Variants in ASB15 observed in about 807,000 individuals in gnomAD.
The protein encoded by ASB15 is ankyrin repeat and SOCS box protein 15.
Under a neutral mutation model 58.0 loss-of-function variants are expected in ASB15, and 54 were observed. The ratio of observed to expected loss-of-function variants is 0.93; its 90% CI spans 0.75 to 1.17. ASB15 has a LOEUF of 1.17. Among genes scored for constraint, ASB15 ranks in the 50% most tolerant of loss-of-function variants. The pLI is 0.00. For missense variants in ASB15, 680 were observed against 707.4 expected, an observed-to-expected ratio of 0.96 and a Z score of 0.44; for synonymous variants, 249 against 262.4, an observed-to-expected ratio of 0.95 and a Z score of 0.50.
In ASB15 at chr7:123,616,444, C is replaced by G. The variant is rs1452261882; in HGVS notation, c.241C>G (p.His81Asp). 4 of 1,611,458 alleles carry G rather than the reference C, an allele frequency of 2.5e-6. No individual in the cohort carries two copies. The highest frequency in any genetic ancestry group is 2.5e-6 in the Non-Finnish European group (3 of 1,177,942). ...EADEKGWFPL[H>D]EAVVQPIQQI... ...TGATGAAAAAGGATGGTTTCCATTG[C>G]ATGAAGCTGTTGTTCAACCCATTCA... The change falls in exon 6 of 12, where the codon CAT becomes GAT. Residue 81 changes from histidine to aspartate, a missense_variant. His to Asp is a moderately conservative substitution (Grantham distance 81). Coordinates refer to ENST00000451215, the MANE Select transcript of ASB15 (RefSeq NM_001290258.2).
At chr7:123,626,577 G>A (rs1357868286) in intron 8 of ASB15, among the ~76,000 whole-genome samples, 2 of 152,154 alleles carry the variant, frequency 1.3e-5, no homozygotes, top group African/African-American at 2.4e-5. Flanking sequence ...AATTGACTTA[G>A]TTTCTCTCAT....
At chr7:123,577,013 A>G (rs928220475) in intron 1 of ASB15, among the ~76,000 whole-genome samples, 10 of 152,166 alleles carry the variant, frequency 6.6e-5, no homozygotes, top group African/African-American at 2.2e-4. Flanking sequence ...ACTTCCTGTT[A>G]TCTATTTTAA....
intron 1 of ASB15, among the ~76,000 whole-genome samples, chr7:123,596,605 C>T (rs1799702701): frequency 6.6e-6 from 1 of 151,766 alleles, no homozygotes; most frequent in South Asian, 2.1e-4. Context: ...GAGGGAGACC[C>T]TGTCTCAAAA....
chr7:123,629,890 T>G, intron 10 of ASB15, 76 bp from the exon 11 acceptor site: 1 of 1,060,670 alleles, frequency 9.4e-7, no homozygotes, highest in Non-Finnish European at 1.3e-6. Flanking sequence ...CAGAGTAATT[T>G]TTCCATAACA....
chr7:123,597,917 CGT>C (rs61508655), upstream of ASB15, among the ~76,000 whole-genome samples: 18,736 of 132,772 alleles, frequency 0.14, 1,167 homozygotes, highest in Admixed American at 0.18. Flanking sequence ...TTTCAAACTT[CGT>C]GTGTGTGTGT....
chr7:123,574,943 C>T (rs1018994919), intron 1 of ASB15, among the ~76,000 whole-genome samples: 1 of 141,882 alleles, frequency 7.0e-6, no homozygotes, highest in Non-Finnish European at 1.6e-5. Context: ...ATTTAAGACA[C>T]ATAGGGGAGA....
At chr7:123,601,424 A>C (rs769784844), upstream of ASB15, among the ~76,000 whole-genome samples, 2 of 152,196 alleles carry the variant, frequency 1.3e-5, no homozygotes, top group Non-Finnish European at 2.9e-5. Context: ...AGAAGATTGT[A>C]TTTAATGAAA....
chr7:123,611,772 T>C (rs188907728), intron 3 of ASB15, among the ~76,000 whole-genome samples: 320 of 152,012 alleles, frequency 2.1e-3, no homozygotes, highest in Non-Finnish European at 3.7e-3. Flanking sequence ...CCAGTAATGC[T>C]CCTTTGACTG....
intron 1 of ASB15, among the ~76,000 whole-genome samples, chr7:123,581,696 T>C (rs917532097): frequency 6.6e-6 from 1 of 151,980 alleles, no homozygotes; most frequent in Non-Finnish European, 1.5e-5. Context: ...TCCTACTAGA[T>C]AGTAGGATTG....
intron 1 of ASB15, among the ~76,000 whole-genome samples, chr7:123,577,485 T>C (rs1799098064): frequency 1.3e-5 from 2 of 152,186 alleles, no homozygotes; most frequent in South Asian, 4.1e-4. Context: ...GCTTTTATTA[T>C]AGCTTCAGTT....
chr7:123,574,081 T>C (rs1584721256), intron 1 of ASB15, among the ~76,000 whole-genome samples: 2 of 152,220 alleles, frequency 1.3e-5, no homozygotes, highest in Non-Finnish European at 2.9e-5. Context: ...TTCCACATGA[T>C]TGTTAGCCTG....
chr7:123,579,249 T>A (rs1584727807), intron 1 of ASB15, among the ~76,000 whole-genome samples: 1 of 152,136 alleles, frequency 6.6e-6, no homozygotes. Context: ...TTTATGGCTG[T>A]GTAGTATTTC....
At chr7:123,591,979 C>G (rs1200481249) in intron 1 of ASB15, among the ~76,000 whole-genome samples, 1 of 152,032 alleles carries the variant, frequency 6.6e-6, no homozygotes, top group Non-Finnish European at 1.5e-5. Flanking sequence ...ATTTCAGGAC[C>G]TGTTATTGGT....
intron 4 of ASB15, 125 bp from the exon 5 acceptor site, chr7:123,616,096 A>C (rs1220026948): frequency 1.3e-6 from 1 of 762,638 alleles, no homozygotes; most frequent in African/African-American, 1.8e-5. Flanking sequence ...AATCAATTAT[A>C]TGCATCTCCT....
At chr7:123,586,889 C>T (rs1160615297) in intron 1 of ASB15, among the ~76,000 whole-genome samples, 1 of 151,548 alleles carries the variant, frequency 6.6e-6, no homozygotes, top group Non-Finnish European at 1.5e-5. Context: ...AGGCTCTGTG[C>T]TCTCTTTTGA....
chr7:123,580,674 A>G (rs534219937), intron 1 of ASB15, among the ~76,000 whole-genome samples: 2 of 152,180 alleles, frequency 1.3e-5, no homozygotes, highest in African/African-American at 4.8e-5. Context: ...TAGGGCACCC[A>G]TGTGGGTGAG....
intron 1 of ASB15, among the ~76,000 whole-genome samples, chr7:123,595,150 C>T (rs1473975651): frequency 3.3e-5 from 5 of 152,170 alleles, no homozygotes; most frequent in African/African-American, 4.8e-5. Flanking sequence ...TCCTAAATGA[C>T]ACTTGCCCTA....
Position 123,624,621 on chromosome 7 carries a change from T to C in ASB15, c.504T>C (p.Thr168=), listed in dbSNP as rs1261402163. 2 of 1,613,782 alleles carry C rather than the reference T, an allele frequency of 1.2e-6. No homozygotes were observed. Among genetic ancestry groups the C allele is most frequent in the Non-Finnish European group, 1.7e-6 (2 of 1,179,696 alleles). The change falls in exon 8 of 12, where the codon ACT becomes ACC. Residue 168 remains threonine (T), a synonymous_variant. Transcript: ENST00000451215. The stretch of plus-strand genomic sequence containing the variant: ...TGTCGACTCTGATCAAACATAACAC[T>C]AGCCTAGACCAGCCCTGTGTCAAGC... ...DMVSTLIKHN[T]SLDQPCVKRW...
upstream of ASB15, among the ~76,000 whole-genome samples, chr7:123,597,343 G>C (rs981179448): frequency 6.6e-6 from 1 of 152,162 alleles, no homozygotes; most frequent in Non-Finnish European, 1.5e-5. Context: ...TTTATTTAAT[G>C]ATGGCTGCAA....
Sources: allele counts gnomAD v4.1 joint callset (sites outside exome capture counted in the v4.1 genomes callset), GRCh38; gene constraint gnomAD v4.1.1; transcripts MANE v1.5; gene names NCBI Gene and HGNC (gene_info 2026-07-23, HGNC 2026-07-21).